The following AMH variants were observed in gnomAD, a reference collection of about 807,000 sequenced individuals.
AMH encodes anti-Mullerian hormone.
In AMH, 39 loss-of-function variants were observed where a neutral mutation model predicts 33.3. The observed-to-expected ratio is 1.17, with a 90% CI of 0.91 to 1.53. The LOEUF (loss-of-function observed/expected upper bound fraction) is 1.53, where lower values mean the gene tolerates loss of function less well. Ranked by LOEUF, AMH falls within the 40% of genes most tolerant of loss-of-function variation. The probability of loss-of-function intolerance (pLI) is 0.00; values close to 1 mark genes in which losing one functional copy is unlikely to be tolerated. For missense variants in AMH, 1,019 were observed against 799.8 expected, an observed-to-expected ratio of 1.27 and a Z score of -3.30; for synonymous variants, 536 against 403.0, an observed-to-expected ratio of 1.33 and a Z score of -3.95.
chr19:2,252,045 G>C lies in AMH; in HGVS notation c.*88G>C, dbSNP rs577512846. On this transcript the variant is annotated 3_prime_UTR_variant, in exon 5 of 5. Coordinates refer to ENST00000221496, the MANE Select transcript of AMH (RefSeq NM_000479.5). Reference sequence around the variant, plus strand: ...CATATTTATTCGGACCCCAAGCATCGCCCCAATAAAGACCAGCAAGCAACC... The same window carrying C: ...CATATTTATTCGGACCCCAAGCATCCCCCCAATAAAGACCAGCAAGCAACC... 2.0e-6 allele frequency: 3 copies of C among 1,503,712 alleles called. No individual in the cohort carries two copies. In the South Asian group the frequency reaches 3.6e-5, roughly 18 times the overall value. 93.1% of individuals were successfully genotyped at this position (1,503,712 alleles called of 1,614,324 possible). A position where few individuals can be genotyped will look rare whatever the true frequency, so the allele number is the denominator to read the frequency against.
Position 2,249,525 on chromosome 19 carries a change from GGCA to G in AMH, c.199_201del (p.Ser68del), listed in dbSNP as rs1440400421. Reference sequence around the variant, plus strand: ...GGTGGCACTGGGCGGGGACAGCAATGGCAGCAGCTCCCCCCTGCGGGTGGTGGG... The same window carrying G: ...GGTGGCACTGGGCGGGGACAGCAATGGCAGCTCCCCCCTGCGGGTGGTGGG... On this transcript the variant is annotated inframe_deletion, in exon 1 of 5. Coordinates refer to ENST00000221496, the MANE Select transcript of AMH (RefSeq NM_000479.5). The G allele has an allele frequency of 6.2e-7, 1 of 1,602,454 alleles. No individual in the cohort carries two copies. The highest frequency in any genetic ancestry group is 8.5e-7 in the Non-Finnish European group (1 of 1,176,214).
Position 2,249,363 on chromosome 19 carries a change from C to G in AMH, c.31C>G (p.Leu11Val), listed in dbSNP as rs779229624. 3 of 1,581,546 alleles carry G rather than the reference C, an allele frequency of 1.9e-6. No homozygotes were observed. Among genetic ancestry groups the G allele is most frequent in the African/African-American group, 2.7e-5 (2 of 74,144 alleles). ...GGACCTGCCTCTCACCAGCCTGGCC[C>G]TAGTGCTGTCTGCCCTGGGGGCTCT... is the stretch of plus-strand genomic sequence containing the variant. MRDLPLTSLA[L>V]VLSALGALLG... is the part of the protein sequence containing the mutation. Residue 11 changes from leucine to valine, a missense_variant, in exon 1 of 5, where the codon CTA becomes GTA. Leu to Val is a conservative substitution (Grantham distance 32). Coordinates refer to ENST00000221496, the MANE Select transcript of AMH (RefSeq NM_000479.5).
chr19:2,251,501 G>C lies in AMH; in HGVS notation c.1227G>C (p.Ala409=). 7.3e-7 allele frequency: 1 copy of C among 1,373,500 alleles called. No individual in the cohort carries two copies. The highest frequency in any genetic ancestry group is 9.3e-7 in the Non-Finnish European group (1 of 1,069,798). The allele number at this position is 1,373,500 out of a possible 1,614,324, so 85.1% of individuals were successfully genotyped here. The stretch of plus-strand genomic sequence containing the variant: ...CCCCGCTGCTGGCGCGCCTGCTCGC[G>C]CTCTGCCCAGGTGGCCCCGGCGGCC... The part of the protein sequence containing the change: ...ATAPLLARLL[A]LCPGGPGGLG... Residue 409 remains alanine (A), a synonymous_variant, in exon 5 of 5, where the codon GCG becomes GCC. Transcript: ENST00000221496.
rs771658253 is a variant in AMH at position 2,249,670 on chromosome 19, CCT to C, written c.343_344del (p.Leu115ThrfsTer58). The C allele has an allele frequency of 7.3e-5, 110 of 1,512,414 alleles. No homozygotes were observed. Among genetic ancestry groups the C allele is most frequent in the Non-Finnish European group, 9.3e-5 (105 of 1,134,514 alleles). 93.7% of individuals were successfully genotyped at this position (1,512,414 alleles called of 1,614,324 possible). A position where few individuals can be genotyped will look rare whatever the true frequency, so the allele number is the denominator to read the frequency against. ...ACCGGTGACAGGCAGGCTGCCTTGC[CCT>C]CTCTACGGCGGCTGGGGGCCTGGCT... On this transcript the variant is annotated frameshift_variant, in exon 1 of 5. Transcript: ENST00000221496. LOFTEE classifies it high-confidence loss of function.
chr19:2,250,740 C>T lies in AMH; in HGVS notation c.644C>T (p.Thr215Ile), dbSNP rs373183939. ...TGGCGCGGCTCCGGGCTGGCCTTGA[C>T]CCTGCAGCCCCGCGGAGAGGGTAGG... ...GAWRGSGLALTLQPRGEDSRL... is the reference protein window; with the variant it reads ...GAWRGSGLALILQPRGEDSRL... Residue 215 changes from threonine to isoleucine, a missense_variant, in exon 3 of 5, where the codon ACC becomes ATC. Coordinates refer to ENST00000221496, the MANE Select transcript of AMH (RefSeq NM_000479.5). The T allele has an allele frequency of 2.6e-6, 4 of 1,536,434 alleles. No individual in the cohort carries two copies. Among genetic ancestry groups the T allele is most frequent in the Non-Finnish European group, 3.5e-6 (4 of 1,147,294 alleles).
Position 2,250,181 on chromosome 19 carries a change from C to T in AMH, c.413-156C>T, listed in dbSNP as rs1033648226. On this transcript the variant is annotated intron_variant, in intron 1 of 4. Transcript: ENST00000221496. The stretch of plus-strand genomic sequence containing the variant: ...CAGCCCCTGCCTGCCCCTGCCGTCA[C>T]CGCTCCCTGGCTGCAGGAAGGCAGC... 7 of 1,289,044 alleles carry T rather than the reference C, an allele frequency of 5.4e-6. No homozygotes were observed. The Admixed American group carries it at 1.4e-4, about 26-fold the overall frequency. 79.9% of individuals were successfully genotyped at this position (1,289,044 alleles called of 1,614,324 possible). A position where few individuals can be genotyped will look rare whatever the true frequency, so the allele number is the denominator to read the frequency against.
chr19:2,249,350 C>T lies in AMH; in HGVS notation c.18C>T (p.Leu6=), dbSNP rs2024986109. The change falls in exon 1 of 5, where the codon CTC becomes CTT. Residue 6 remains leucine (L), a synonymous_variant. Coordinates refer to ENST00000221496, the MANE Select transcript of AMH (RefSeq NM_000479.5). ...CACCCACGATGCGGGACCTGCCTCT[C>T]ACCAGCCTGGCCCTAGTGCTGTCTG... is the stretch of plus-strand genomic sequence containing the variant. MRDLP[L]TSLALVLSAL... 2 of 1,576,264 alleles carry T rather than the reference C, an allele frequency of 1.3e-6. No homozygotes were observed. The highest frequency in any genetic ancestry group is 1.7e-6 in the Non-Finnish European group (2 of 1,162,522).
Position 2,250,715 on chromosome 19 carries a change from T to G in AMH, c.619T>G (p.Trp207Gly), listed in dbSNP as rs2025021500. 1 of 1,538,384 alleles carries G rather than the reference T, an allele frequency of 6.5e-7. No individual in the cohort carries two copies. The highest frequency in any genetic ancestry group is 8.7e-7 in the Non-Finnish European group (1 of 1,147,758). ...AGCGGTGGACCGCCCTGCGGGGGCCTGGCGCGGCTCCGGGCTGGCCTTGAC... is the reference window on the plus strand; with the variant it reads ...AGCGGTGGACCGCCCTGCGGGGGCCGGGCGCGGCTCCGGGCTGGCCTTGAC... Reference protein sequence around the residue: ...VLAVDRPAGAWRGSGLALTLQ... With the variant: ...VLAVDRPAGAGRGSGLALTLQ... Residue 207 changes from tryptophan to glycine, a missense_variant, in exon 3 of 5, where the codon TGG (tryptophan) becomes GGG (glycine). By Grantham distance (184) the Trp-to-Gly change is radical (BLOSUM62 -2). Coordinates refer to ENST00000221496, the MANE Select transcript of AMH (RefSeq NM_000479.5).
rs764611221 is a variant in AMH at position 2,250,491 on chromosome 19, T to C, written c.555+12T>C. The stretch of plus-strand genomic sequence containing the variant: ...TGCCGGGTGCCCAGGTACCAGGGAG[T>C]TGCATGGGGCAGTGCCCGGGCCGTG... On this transcript the variant is annotated intron_variant, in intron 2 of 4. Transcript: ENST00000221496. 2.2e-4 allele frequency: 344 copies of C among 1,546,768 alleles called. 2 individuals are homozygous for C. The East Asian group carries it at 8.3e-3, about 37-fold the overall frequency.
At position 2,250,767 on chromosome 19, in the gene AMH, C is replaced by G. The variant is rs1157714633; in HGVS notation, c.664+7C>G. 6.5e-7 allele frequency: 1 copy of G among 1,534,894 alleles called. No homozygotes were observed. The highest frequency in any genetic ancestry group is 8.7e-7 in the Non-Finnish European group (1 of 1,146,806). Reference sequence around the variant, plus strand: ...CTGCAGCCCCGCGGAGAGGGTAGGTCCGCGTGGAGAGGGACGGGGAGCCGG... The same window carrying G: ...CTGCAGCCCCGCGGAGAGGGTAGGTGCGCGTGGAGAGGGACGGGGAGCCGG... On this transcript the variant is annotated splice_region_variant and intron_variant, in intron 3 of 4. Transcript: ENST00000221496.
At position 2,251,521 on chromosome 19, in the gene AMH, G is replaced by A. The variant is rs1254811986; in HGVS notation, c.1247G>A (p.Gly416Asp). 2.2e-6 allele frequency: 3 copies of A among 1,341,066 alleles called. No individual in the cohort carries two copies. Among genetic ancestry groups the A allele is most frequent in the South Asian group, 3.7e-5 (2 of 54,336 alleles). The allele number at this position is 1,341,066 out of a possible 1,614,324, so 83.1% of individuals were successfully genotyped here. A position where few individuals can be genotyped will look rare whatever the true frequency, so the allele number is the denominator to read the frequency against. ...RLLALCPGGP[G>D]GLGDPLRALL... is the part of the protein sequence containing the mutation. ...CTCGCGCTCTGCCCAGGTGGCCCCGGCGGCCTCGGCGATCCCCTGCGAGCG... is the reference window on the plus strand; with the variant it reads ...CTCGCGCTCTGCCCAGGTGGCCCCGACGGCCTCGGCGATCCCCTGCGAGCG... The change falls in exon 5 of 5, where the codon GGC (glycine) becomes GAC (aspartate). Residue 416 changes from glycine (G) to aspartate (D), a missense_variant. Coordinates refer to ENST00000221496, the MANE Select transcript of AMH (RefSeq NM_000479.5).
At position 2,250,434 on chromosome 19, in the gene AMH, T is replaced by C. The variant is rs2025011223; in HGVS notation, c.510T>C (p.Pro170=). ...ELALLVLYPG[P]GPEVTVTRAG... ...CGCTGCTGGTGCTGTACCCTGGGCC[T>C]GGCCCTGAGGTCACTGTGACGAGGG... The change falls in exon 2 of 5, where the codon CCT becomes CCC. Residue 170 remains proline, a synonymous_variant. Coordinates refer to ENST00000221496, the MANE Select transcript of AMH (RefSeq NM_000479.5). 2 of 1,557,626 alleles carry C rather than the reference T, an allele frequency of 1.3e-6. No homozygotes were observed. Among genetic ancestry groups the C allele is most frequent in the Admixed American group, 3.9e-5 (2 of 51,892 alleles).
At chr19:2,249,855 G>T in intron 1 of AMH, 111 bp downstream of exon 1, 2 of 1,284,348 alleles carry the variant, frequency 1.6e-6, no homozygotes, top group Non-Finnish European at 2.1e-6. Flanking sequence ...CAGGGAGGCT[G>T]TGGTCTTGTT....
In AMH at chr19:2,249,663, G is replaced by T. The variant is rs2024994560; in HGVS notation, c.331G>T (p.Ala111Ser). ...CTGCAACACCGGTGACAGGCAGGCT[G>T]CCTTGCCCTCTCTACGGCGGCTGGG... ...GVCNTGDRQA[A>S]LPSLRRLGAW... The change falls in exon 1 of 5, where the codon GCC (alanine) becomes TCC (serine). Residue 111 changes from alanine to serine, a missense_variant. Physicochemically the swap from Ala to Ser is moderately conservative, Grantham distance 99 (BLOSUM62 1). Coordinates refer to ENST00000221496, the MANE Select transcript of AMH (RefSeq NM_000479.5). 1.3e-6 allele frequency: 2 copies of T among 1,513,584 alleles called. No individual in the cohort carries two copies. The highest frequency in any genetic ancestry group is 8.8e-7 in the Non-Finnish European group (1 of 1,134,934). 93.8% of individuals were successfully genotyped at this position (1,513,584 alleles called of 1,614,324 possible).
In AMH at chr19:2,251,211, C is replaced by T; in HGVS notation, c.937C>T (p.Leu313=). ...CCCGGCCCGGGCCTCCGCGCCGCGC[C>T]TGGCCCTGGATCCGGACGCGCTGGC... ...VPPARASAPR[L]ALDPDALAGF... The change falls in exon 5 of 5, where the codon CTG becomes TTG. Residue 313 remains leucine (L), a synonymous_variant. Coordinates refer to ENST00000221496, the MANE Select transcript of AMH (RefSeq NM_000479.5). 6.6e-7 allele frequency: 1 copy of T among 1,504,052 alleles called. No homozygotes were observed. Among genetic ancestry groups the T allele is most frequent in the East Asian group, 2.7e-5 (1 of 37,478 alleles). 93.2% of individuals were successfully genotyped at this position (1,504,052 alleles called of 1,614,324 possible).
Position 2,251,833 on chromosome 19 carries a change from T to C in AMH, c.1559T>C (p.Leu520Pro). 1 of 1,600,848 alleles carries C rather than the reference T, an allele frequency of 6.2e-7. No homozygotes were observed. The highest frequency in any genetic ancestry group is 8.5e-7 in the Non-Finnish European group (1 of 1,177,942). ...AAGATGCAGGTCCGTGGGGCCGCCCTGGCGCGCCCACCCTGCTGCGTGCCC... is the reference window on the plus strand; with the variant it reads ...AAGATGCAGGTCCGTGGGGCCGCCCCGGCGCGCCCACCCTGCTGCGTGCCC... ...LLKMQVRGAA[L>P]ARPPCCVPTA... Residue 520 changes from leucine to proline, a missense_variant, in exon 5 of 5, where the codon CTG becomes CCG. Physicochemically the swap from Leu to Pro is moderately conservative, Grantham distance 98. Transcript: ENST00000221496.
rs1478367998 is a variant in AMH, at chr19:2,251,321, G to A, written c.1047G>A (p.Leu349=). Residue 349 remains leucine, a synonymous_variant, in exon 5 of 5, where the codon CTG becomes CTA. Transcript: ENST00000221496. Reference sequence around the variant, plus strand: ...ACGGCGAGGAGCCGCTGCTGCTGCTGCTGAGGCCCACTGCGGCCACCACCG... The same window carrying A: ...ACGGCGAGGAGCCGCTGCTGCTGCTACTGAGGCCCACTGCGGCCACCACCG... ...LLDGEEPLLL[L]LRPTAATTGD... is the part of the protein sequence containing the mutation. 14 of 1,500,754 alleles carry A rather than the reference G, an allele frequency of 9.3e-6. No individual in the cohort carries two copies. Among genetic ancestry groups the A allele is most frequent in the African/African-American group, 1.5e-5 (1 of 68,792 alleles). 93.0% of individuals were successfully genotyped at this position (1,500,754 alleles called of 1,614,324 possible). A position where few individuals can be genotyped will look rare whatever the true frequency, so the allele number is the denominator to read the frequency against.
At chr19:2,249,784 C>A in intron 1 of AMH, 40 bp downstream of exon 1, 1 of 1,466,382 alleles carries the variant, frequency 6.8e-7, no homozygotes, top group Non-Finnish European at 9.0e-7. Flanking sequence ...CCGCCGTCTT[C>A]CTTCAGGTGG....
Position 2,251,283 on chromosome 19 carries a change from G to C in AMH, c.1009G>C (p.Glu337Gln). Reference sequence around the variant, plus strand: ...CAACCTGTCGGACCCCGCGGCGCTGGAGCGCCTACTCGACGGCGAGGAGCC... The same window carrying C: ...CAACCTGTCGGACCCCGCGGCGCTGCAGCGCCTACTCGACGGCGAGGAGCC... Reference protein sequence around the residue: ...LVNLSDPAALERLLDGEEPLL... With the variant: ...LVNLSDPAALQRLLDGEEPLL... Residue 337 changes from glutamate (E) to glutamine (Q), a missense_variant, in exon 5 of 5, where the codon GAG (glutamate) becomes CAG (glutamine). Coordinates refer to ENST00000221496, the MANE Select transcript of AMH (RefSeq NM_000479.5). The C allele has an allele frequency of 1.3e-6, 2 of 1,504,020 alleles. No homozygotes were observed. Among genetic ancestry groups the C allele is most frequent in the Non-Finnish European group, 1.8e-6 (2 of 1,134,280 alleles). 93.2% of individuals were successfully genotyped at this position (1,504,020 alleles called of 1,614,324 possible).
Sources: allele counts gnomAD v4.1 joint callset, GRCh38; gene constraint gnomAD v4.1.1; transcripts MANE v1.5; gene names NCBI Gene and HGNC (gene_info 2026-07-23, HGNC 2026-07-21).